The following PSG9 variants were observed in gnomAD, a reference collection of about 807,000 sequenced individuals.
PSG9 encodes the protein pregnancy-specific beta-1-glycoprotein 9.
In PSG9, 49 loss-of-function variants were observed where a neutral mutation model predicts 41.9. That is an observed-to-expected ratio of 1.17 (90% CI 0.93 to 1.48). The LOEUF (loss-of-function observed/expected upper bound fraction) is 1.48. Ranked by LOEUF, PSG9 falls within the 40% of genes most tolerant of loss-of-function variation. The pLI is 0.00. For synonymous variants in PSG9, 263 were observed against 196.8 expected (o/e 1.34, Z -2.82); for missense variants, 641 against 520.3 (o/e 1.23, Z -2.26).
chr19:43,262,432 C>A (rs764228343), intron 2 of PSG9, among the ~76,000 whole-genome samples: 1 of 152,118 alleles, frequency 6.6e-6, no homozygotes, highest in Non-Finnish European at 1.5e-5. Flanking sequence ...CTCTTTGAGT[C>A]CCTCCGTCTC....
chr19:43,262,695 A>C (rs1421152811), intron 2 of PSG9, among the ~76,000 whole-genome samples: 5 of 152,172 alleles, frequency 3.3e-5, no homozygotes, highest in Admixed American at 1.3e-4. Flanking sequence ...GAGGTCAGTT[A>C]AGACATCAGG....
Position 43,268,104 on chromosome 19 carries a change from G to A in PSG9, c.110C>T (p.Thr37Met), listed in dbSNP as rs138661725. Reference protein sequence around the residue: ...FWNPPTTAEVTIEAQPPKVSE... With the variant: ...FWNPPTTAEVMIEAQPPKVSE... ...AACTTTGGGTGGCTGGGCTTCAATCGTGACTTCGGCAGTGGTGGGCGGGTT... is the reference window on the plus strand; with the variant it reads ...AACTTTGGGTGGCTGGGCTTCAATCATGACTTCGGCAGTGGTGGGCGGGTT... Residue 37 changes from threonine to methionine, a missense_variant, in exon 2 of 6, where the codon ACG (threonine) becomes ATG (methionine). Physicochemically the swap from Thr to Met is moderately conservative, Grantham distance 81. Coordinates refer to ENST00000270077, the MANE Select transcript of PSG9 (RefSeq NM_002784.5). 3.5e-5 allele frequency: 57 copies of A among 1,612,982 alleles called. 1 individual carries two copies. In the Middle Eastern group the frequency reaches 5.0e-4, roughly 14 times the overall value.
At chr19:43,257,698 C>A in intron 5 of PSG9, 1 of 1,114,328 alleles carries the variant, frequency 9.0e-7, no homozygotes, top group South Asian at 4.1e-5. Context: ...TGAGGCAGGG[C>A]CAGTCACCAG....
chr19:43,262,868 C>G (rs532777887), intron 2 of PSG9, among the ~76,000 whole-genome samples: 1 of 152,146 alleles, frequency 6.6e-6, no homozygotes, highest in Admixed American at 6.5e-5. Flanking sequence ...ACCATGTTCC[C>G]TGTTCTGGGT....
chr19:43,259,009 C>T lies in PSG9; in HGVS notation c.836G>A (p.Ser279Asn), dbSNP rs1455796660. 2.5e-6 allele frequency: 4 copies of T among 1,590,630 alleles called. No homozygotes were observed. Among genetic ancestry groups the T allele is most frequent in the Non-Finnish European group, 3.4e-6 (4 of 1,174,484 alleles). The stretch of plus-strand genomic sequence containing the variant: ...CTTTACCCCGGGACTGACGGGGAGG[C>T]TCTGACCGTTTAGCCACCAAATGTA... ...YTYIWWLNGQ[S>N]LPVSPGVKRP... Residue 279 changes from serine to asparagine, a missense_variant, in exon 4 of 6, where the codon AGC (serine) becomes AAC (asparagine). Ser to Asn is a conservative substitution (Grantham distance 46). Transcript: ENST00000270077.
chr19:43,261,776 C>A lies in PSG9; in HGVS notation c.709+84G>T, dbSNP rs932924809. The A allele has an allele frequency of 4.3e-6, 7 of 1,613,520 alleles. No homozygotes were observed. The African/African-American group carries it at 6.7e-5, about 15-fold the overall frequency. ...AGGGGTAAAGGTCTCTGTACTTGGA[C>A]CTGAGAGGGACTGAGAGGCCTGGCC... On this transcript the variant is annotated intron_variant, in intron 3 of 5. Transcript: ENST00000270077.
At chr19:43,258,490 C>T in intron 4 of PSG9, 34 bp from the exon 5 acceptor site, 1 of 1,530,200 alleles carries the variant, frequency 6.5e-7, no homozygotes, top group Non-Finnish European at 8.7e-7. Context: ...CACGTGATGT[C>T]ATTCGAGGGA....
At chr19:43,267,338 C>T (rs1276478786) in intron 2 of PSG9, among the ~76,000 whole-genome samples, 2 of 152,128 alleles carry the variant, frequency 1.3e-5, no homozygotes, top group Non-Finnish European at 2.9e-5. Flanking sequence ...CACAACCCAG[C>T]ACTGGCACAG....
chr19:43,263,498 T>C lies in PSG9; in HGVS notation c.431-1360A>G, dbSNP rs549050363. ...TTTTGAGCATTTCAGATTGTGGATT[T>C]CTGGATTTGGGATGCTCAATTTGTT... On this transcript the variant is annotated intron_variant, in intron 2 of 5. Coordinates refer to ENST00000270077, the MANE Select transcript of PSG9 (RefSeq NM_002784.5). Among the ~76,000 whole-genome samples the C allele has an allele frequency of 2.6e-5, 4 of 152,184 alleles. No homozygotes were observed. In the South Asian group the frequency reaches 8.3e-4, roughly 32 times the overall value.
At chr19:43,260,917 C>T (rs1225937533) in intron 3 of PSG9, among the ~76,000 whole-genome samples, 1 of 152,062 alleles carries the variant, frequency 6.6e-6, no homozygotes, top group Non-Finnish European at 1.5e-5. Flanking sequence ...ATCATTTGAC[C>T]TTTTTGGTTA....
chr19:43,258,775 G>A lies in PSG9; in HGVS notation c.988+82C>T, dbSNP rs868544070. 384 of 1,547,104 alleles carry A rather than the reference G, an allele frequency of 2.5e-4. 23 individuals are homozygous for A. Among genetic ancestry groups the A allele is most frequent in the Non-Finnish European group, 3.0e-4 (350 of 1,148,558 alleles). ...AAGTAAAGGTGTCTATACTTGGACCGGAGAGAGACTGAGAGGCCTGGCATC... is the reference window on the plus strand; with the variant it reads ...AAGTAAAGGTGTCTATACTTGGACCAGAGAGAGACTGAGAGGCCTGGCATC... On this transcript the variant is annotated intron_variant, in intron 4 of 5. Transcript: ENST00000270077.
chr19:43,264,722 G>C (rs1183933392), intron 2 of PSG9, among the ~76,000 whole-genome samples: 1 of 152,146 alleles, frequency 6.6e-6, no homozygotes, highest in Admixed American at 6.5e-5. Flanking sequence ...AAAGTGCTGG[G>C]ATTATAGGCT....
chr19:43,255,812 T>A (rs898210778), intron 5 of PSG9, among the ~76,000 whole-genome samples: 8 of 146,410 alleles, frequency 5.5e-5, no homozygotes, highest in African/African-American at 2.1e-4. Flanking sequence ...GGTGAAATGA[T>A]TATACCTGAA....
intron 1 of PSG9, among the ~76,000 whole-genome samples, chr19:43,269,058 G>A (rs1335659188): frequency 1.3e-5 from 2 of 151,828 alleles, no homozygotes; most frequent in Admixed American, 1.3e-4. Context: ...AGGCTGGCGT[G>A]CAGTGGCGGT....
At position 43,254,179 on chromosome 19, in the gene PSG9, C is replaced by T. The variant is rs1348232040; in HGVS notation, c.1244-533G>A. Among the ~76,000 whole-genome samples, 2 of 146,182 alleles carry T rather than the reference C, an allele frequency of 1.4e-5. 1 individual carries two copies. Among genetic ancestry groups the T allele is most frequent in the Non-Finnish European group, 3.0e-5 (2 of 67,316 alleles). Reference sequence around the variant, plus strand: ...GCCAGGCCCTGTGCTCAATACTTTACCTGTATCTCATTTAAGCCACACAAT... The same window carrying T: ...GCCAGGCCCTGTGCTCAATACTTTATCTGTATCTCATTTAAGCCACACAAT... On this transcript the variant is annotated intron_variant, in intron 5 of 5. Transcript: ENST00000270077.
intron 3 of PSG9, chr19:43,260,794 T>A (rs891626631): frequency 6.6e-6 from 1 of 152,154 alleles, no homozygotes; most frequent in Non-Finnish European, 1.5e-5. Flanking sequence ...AATTGGGTAG[T>A]ATTGTCTTTC....
chr19:43,258,774 C>CG, intron 4 of PSG9, 83 bp downstream of exon 4: 1 of 1,543,242 alleles, frequency 6.5e-7, no homozygotes, highest in South Asian at 1.2e-5. Context: ...ATACTTGGAC[C>CG]GGAGAGAGAC....
intron 5 of PSG9, chr19:43,257,368 C>G: frequency 1.0e-6 from 1 of 972,890 alleles, no homozygotes; most frequent in Non-Finnish European, 1.2e-6. Flanking sequence ...GTCTTACCCT[C>G]TCTATAATTA....
Position 43,257,355 on chromosome 19 carries a change from G to T in PSG9, c.1243+847C>A, listed in dbSNP as rs1599817136. The T allele has an allele frequency of 3.1e-6, 3 of 963,796 alleles. 1 individual carries two copies. Among genetic ancestry groups the T allele is most frequent in the South Asian group, 4.9e-5 (1 of 20,524 alleles). 59.7% of individuals were successfully genotyped at this position (963,796 alleles called of 1,614,324 possible). A position where few individuals can be genotyped will look rare whatever the true frequency, so the allele number is the denominator to read the frequency against. ...ATATTAGATATATATAAAGTGTCTG[G>T]TAGTCTTACCCTCTCTATAATTACA... is the stretch of plus-strand genomic sequence containing the variant. On this transcript the variant is annotated intron_variant, in intron 5 of 5. Transcript: ENST00000270077.
Sources: allele counts gnomAD v4.1 joint callset (sites outside exome capture counted in the v4.1 genomes callset), GRCh38; gene constraint gnomAD v4.1.1; transcripts MANE v1.5; gene names NCBI Gene and HGNC (gene_info 2026-07-23, HGNC 2026-07-21).